The following VPS37A variants were observed in gnomAD, a reference collection of about 807,000 sequenced individuals.
VPS37A encodes the protein VPS37A subunit of ESCRT-I.
A neutral mutation model predicts 49.8 loss-of-function variants in VPS37A; 30 were observed. The ratio of observed to expected loss-of-function variants is 0.60; its 90% CI spans 0.45 to 0.82. The LOEUF (loss-of-function observed/expected upper bound fraction) is 0.82. VPS37A is among the 40% of genes least tolerant of loss of function. The pLI, the probability that VPS37A is intolerant of heterozygous loss-of-function variation, is 0.00. For synonymous variants in VPS37A, 195 were observed against 160.6 expected, an observed-to-expected ratio of 1.21 and a Z score of -1.62; for missense variants, 593 against 464.4, an observed-to-expected ratio of 1.28 and a Z score of -2.55.
At chr8:17,269,462 C>T (rs1295569757) in intron 4 of VPS37A, among the ~76,000 whole-genome samples, 3 of 152,084 alleles carry the variant, frequency 2.0e-5, no homozygotes, top group African/African-American at 4.8e-5. Context: ...TGTTTTAGAT[C>T]ATCTTCATTT....
At chr8:17,311,610 C>G in the VPS37A span, 2 of 1,614,132 alleles carry the variant, frequency 1.2e-6, no homozygotes, top group Non-Finnish European at 8.5e-7. Flanking sequence ...AGTGAACAAG[C>G]ACACTTGCCC....
At chr8:17,291,046 T>C (rs1236094659) in intron 11 of VPS37A, among the ~76,000 whole-genome samples, 1 of 152,124 alleles carries the variant, frequency 6.6e-6, no homozygotes, top group Non-Finnish European at 1.5e-5. Context: ...TGGACTCTCA[T>C]TCTGTTGCCC....
chr8:17,288,489 TGTTA>T (rs1246937651), intron 11 of VPS37A, among the ~76,000 whole-genome samples: 1 of 152,096 alleles, frequency 6.6e-6, no homozygotes, highest in Non-Finnish European at 1.5e-5. Context: ...TCTGTTCCCG[TGTTA>T]GTTTCCTGAG....
chr8:17,274,215 A>G lies in VPS37A; in HGVS notation c.417-518A>G, dbSNP rs150278686. Among the ~76,000 whole-genome samples, 858 of 152,380 alleles carry G rather than the reference A, an allele frequency of 5.6e-3. 11 individuals carry two copies. Among genetic ancestry groups the G allele is most frequent in the Admixed American group, 9.2e-3 (141 of 15,310 alleles). On this transcript the variant is annotated intron_variant, in intron 4 of 11. Coordinates refer to ENST00000324849, the MANE Select transcript of VPS37A (RefSeq NM_152415.3). ...GACTCTAATATACATGCGTGTTTAT[A>G]TATGCATCTGTTTTTAATATTTCAA... is the stretch of plus-strand genomic sequence containing the variant.
downstream of VPS37A, among the ~76,000 whole-genome samples, chr8:17,300,583 G>A (rs1817046806): frequency 6.6e-6 from 1 of 152,184 alleles, no homozygotes; most frequent in Admixed American, 6.5e-5. Flanking sequence ...CATGAATGAA[G>A]TGTTTATCAT....
At chr8:17,299,112 A>ATACTT (rs1388399477), downstream of VPS37A, 1 of 152,212 alleles carries the variant, frequency 6.6e-6, no homozygotes, top group Non-Finnish European at 1.5e-5. Context: ...AAGAAAGCTG[A>ATACTT]TACTTAAATT....
chr8:17,324,494 G>C, the VPS37A span, among the ~76,000 whole-genome samples: 7 of 152,304 alleles, frequency 4.6e-5, no homozygotes, highest in African/African-American at 1.7e-4. Context: ...TCTTCCTCTA[G>C]CCTCTGCCTC....
At position 17,280,452 on chromosome 8, in the gene VPS37A, GTTTA is replaced by G; in HGVS notation, c.969+13_969+16del. The G allele has an allele frequency of 1.3e-6, 2 of 1,581,310 alleles. No homozygotes were observed. The highest frequency in any genetic ancestry group is 2.4e-5 in the South Asian group (2 of 84,006). On this transcript the variant is annotated intron_variant, in intron 9 of 11. Transcript: ENST00000324849. ...AGCATGAACTTAGTGAGGTAAGACTGTTTATTTTTTTCCCTTTGCCATAGATTTT... is the reference window on the plus strand; with the variant it reads ...AGCATGAACTTAGTGAGGTAAGACTGTTTTTTTCCCTTTGCCATAGATTTT...
chr8:17,292,080 C>A (rs549768772), intron 11 of VPS37A, among the ~76,000 whole-genome samples: 1 of 152,164 alleles, frequency 6.6e-6, no homozygotes, highest in South Asian at 2.1e-4. Flanking sequence ...TTAAAGTCTC[C>A]CACTATTATT....
intron 11 of VPS37A, among the ~76,000 whole-genome samples, chr8:17,294,492 C>T (rs900925907): frequency 1.3e-5 from 2 of 151,896 alleles, no homozygotes; most frequent in African/African-American, 4.8e-5. Flanking sequence ...CCAGGCAGTA[C>T]GAAAAAAAAT....
In VPS37A at chr8:17,256,630, T is replaced by TTTTTTTTATTTA. The variant is rs1554487996; in HGVS notation, c.125+9264_125+9265insTTTTATTTATTT. ...GTTGATTGTTCCTTCGCTGTGTAGG[T>TTTTTTTTATTTA]TTTATTTATTTATTTATTTATTTAT... On this transcript the variant is annotated intron_variant, in intron 1 of 11. Transcript: ENST00000324849. Among the ~76,000 whole-genome samples the TTTTTTTTATTTA allele has an allele frequency of 2.8e-5, 4 of 145,420 alleles. No homozygotes were observed. The South Asian group carries it at 6.7e-4, about 24-fold the overall frequency.
At chr8:17,298,828 T>G (rs1202737693), downstream of VPS37A, 1 of 152,436 alleles carries the variant, frequency 6.6e-6, no homozygotes, top group East Asian at 1.9e-4. Context: ...ACAAAAATTC[T>G]TTTCAGAACT....
rs757425536 is a variant in VPS37A at position 17,265,944 on chromosome 8, C to A, written c.163C>A (p.Pro55Thr). ...ACAGAAAGATGTGGAATACAGATTG[C>A]CATTCACCATAAACAACCTGACAAT... The part of the protein sequence containing the change: ...EIQKDVEYRL[P>T]FTINNLTINI... Residue 55 changes from proline (P) to threonine (T), a missense_variant, in exon 2 of 12, where the codon CCA becomes ACA. Transcript: ENST00000324849. 7 of 1,613,064 alleles carry A rather than the reference C, an allele frequency of 4.3e-6. No individual in the cohort carries two copies. The Admixed American group carries it at 1.2e-4, about 27-fold the overall frequency.
chr8:17,248,291 C>T lies in VPS37A; in HGVS notation c.125+922C>T, dbSNP rs763367805. On this transcript the variant is annotated intron_variant, in intron 1 of 11. Transcript: ENST00000324849. ...TTTTTTTTTTTTTTTGCCGGGGGTACGGCTCTCCTGTTGCCCAGGCTGGAG... is the reference window on the plus strand; with the variant it reads ...TTTTTTTTTTTTTTTGCCGGGGGTATGGCTCTCCTGTTGCCCAGGCTGGAG... 9.2e-5 allele frequency: 39 copies of T among 423,992 alleles called. 1 individual carries two copies. The highest frequency in any genetic ancestry group is 6.4e-4 in the South Asian group (39 of 61,064). 26.3% of individuals were successfully genotyped at this position (423,992 alleles called of 1,614,324 possible).
At chr8:17,250,995 G>C (rs1811922798) in intron 1 of VPS37A, among the ~76,000 whole-genome samples, 1 of 152,148 alleles carries the variant, frequency 6.6e-6, no homozygotes, top group Non-Finnish European at 1.5e-5. Flanking sequence ...CAAAACTCCT[G>C]ACTTTATGGA....
At chr8:17,284,907 C>G (rs981275688) in intron 10 of VPS37A, among the ~76,000 whole-genome samples, 2 of 152,114 alleles carry the variant, frequency 1.3e-5, no homozygotes, top group Non-Finnish European at 2.9e-5. Context: ...CTAAGATGTC[C>G]TTTTGATGTG....
the VPS37A span, among the ~76,000 whole-genome samples, chr8:17,319,668 T>C: frequency 5.3e-5 from 8 of 152,226 alleles, no homozygotes; most frequent in South Asian, 2.1e-4. Flanking sequence ...AAGGCACTTA[T>C]TATTCTCATT....
chr8:17,311,739 C>G, the VPS37A span: 2 of 1,545,202 alleles, frequency 1.3e-6, no homozygotes, highest in Non-Finnish European at 1.8e-6. Context: ...AAAGAAACAG[C>G]CAAAACGAAA....
chr8:17,280,580 G>T, intron 9 of VPS37A, 137 bp downstream of exon 9: 1 of 723,904 alleles, frequency 1.4e-6, no homozygotes, highest in Middle Eastern at 4.1e-4. Context: ...ACCTTTAAAC[G>T]TGGATGAACA....
Sources: gnomAD v4.1 joint callset for allele counts (sites outside exome capture counted in the v4.1 genomes callset) on GRCh38, gnomAD v4.1.1 for gene constraint, MANE v1.5 for transcripts, NCBI Gene and HGNC (gene_info 2026-07-23, HGNC 2026-07-21) for gene names.